The following NOS1AP variants were observed in gnomAD, a reference collection of about 807,000 sequenced individuals.
NOS1AP encodes the protein nitric oxide synthase 1 adaptor protein, also known as carboxyl-terminal PDZ ligand of neuronal nitric oxide synthase protein.
In NOS1AP, 21 loss-of-function variants were observed where a neutral mutation model predicts 56.2. That is an observed-to-expected ratio of 0.37 (90% confidence interval 0.26 to 0.54). The LOEUF (loss-of-function observed/expected upper bound fraction) is 0.54, where lower values mean the gene tolerates loss of function less well. NOS1AP is among the 20% of genes least tolerant of loss of function. The probability of loss-of-function intolerance (pLI) is 0.84; values close to 1 mark genes in which losing one functional copy is unlikely to be tolerated. For missense variants in NOS1AP, 522 were observed against 657.8 expected, an observed-to-expected ratio of 0.79 and a Z score of 2.26; for synonymous variants, 270 against 274.6, an observed-to-expected ratio of 0.98 and a Z score of 0.17.
At chr1:162,291,039 A>C (rs182454863) in intron 3 of NOS1AP, among the ~76,000 whole-genome samples, 12 of 139,684 alleles carry the variant, frequency 8.6e-5, no homozygotes, top group South Asian at 4.6e-4. Flanking sequence ...AAAAAAAAAA[A>C]CCCACAAAAG....
At chr1:162,142,412 T>TTC (rs1649275468) in intron 1 of NOS1AP, among the ~76,000 whole-genome samples, 3 of 152,112 alleles carry the variant, frequency 2.0e-5, no homozygotes, top group Non-Finnish European at 4.4e-5. Flanking sequence ...GTGCGTGTGT[T>TTC]TCTGCGTGTG....
At chr1:162,211,602 A>C (rs1328475010) in intron 2 of NOS1AP, among the ~76,000 whole-genome samples, 1 of 151,844 alleles carries the variant, frequency 6.6e-6, no homozygotes, top group African/African-American at 2.4e-5. Context: ...GCAATAACTC[A>C]CCTCCTAGGG....
intron 2 of NOS1AP, among the ~76,000 whole-genome samples, chr1:162,250,793 C>T (rs943377303): frequency 2.6e-5 from 4 of 152,138 alleles, no homozygotes; most frequent in African/African-American, 7.2e-5. Flanking sequence ...TACCTTTCCA[C>T]CTATAGCTTG....
intron 2 of NOS1AP, among the ~76,000 whole-genome samples, chr1:162,219,120 G>A (rs1652679975): frequency 6.6e-6 from 1 of 152,100 alleles, no homozygotes. Flanking sequence ...TTATTTACCA[G>A]CTCTCTCTCG....
intron 2 of NOS1AP, among the ~76,000 whole-genome samples, chr1:162,198,131 G>A (rs6667431): frequency 0.27 from 41,059 of 152,106 alleles, 5,791 homozygotes; most frequent in East Asian, 0.39. Context: ...TGGGCACAGG[G>A]TGTAGGAGAG....
chr1:162,153,285 C>T (rs1184423345), intron 1 of NOS1AP, among the ~76,000 whole-genome samples: 2 of 152,066 alleles, frequency 1.3e-5, no homozygotes, highest in Non-Finnish European at 2.9e-5. Flanking sequence ...TGTGCCACCA[C>T]ACCCAGCTAA....
At position 162,109,146 on chromosome 1, in the gene NOS1AP, A is replaced by G. The variant is rs564636820; in HGVS notation, c.105+38864A>G. Among the ~76,000 whole-genome samples, 6 of 152,332 alleles carry G rather than the reference A, an allele frequency of 3.9e-5. No homozygotes were observed. The South Asian group carries it at 1.2e-3, about 32-fold the overall frequency. ...ATGGAGGAGACCACCCCTATGATTC[A>G]ATTATCTCCAACTGGCCCCACCTTG... On this transcript the variant is annotated intron_variant, in intron 1 of 9. Transcript: ENST00000361897.
chr1:162,277,239 T>C lies in NOS1AP; in HGVS notation c.178-10105T>C, dbSNP rs145547711. ...CTTCTGGGTGTAGCTTCCAGTTTTATTGTAAGAAACTACTTTTCAAAGAGA... is the reference window on the plus strand; with the variant it reads ...CTTCTGGGTGTAGCTTCCAGTTTTACTGTAAGAAACTACTTTTCAAAGAGA... On this transcript the variant is annotated intron_variant, in intron 2 of 9. Transcript: ENST00000361897. Among the ~76,000 whole-genome samples, 194 of 152,344 alleles carry C rather than the reference T, an allele frequency of 1.3e-3. 2 individuals carry two copies. The highest frequency in any genetic ancestry group is 4.1e-3 in the African/African-American group (171 of 41,588).
intron 2 of NOS1AP, among the ~76,000 whole-genome samples, chr1:162,196,852 G>T (rs915683915): frequency 2.6e-5 from 4 of 152,214 alleles, no homozygotes; most frequent in African/African-American, 9.7e-5. Flanking sequence ...TTTATTGTGC[G>T]AACGAATCTA....
At chr1:162,317,604 T>G (rs751440337) in intron 4 of NOS1AP, 3 of 152,136 alleles carry the variant, frequency 2.0e-5, no homozygotes, top group Non-Finnish European at 4.4e-5. Context: ...CAAGAGAGCA[T>G]GTAGTATTGG....
At chr1:162,152,393 G>A (rs1649754525) in intron 1 of NOS1AP, among the ~76,000 whole-genome samples, 1 of 152,244 alleles carries the variant, frequency 6.6e-6, no homozygotes, top group Admixed American at 6.5e-5. Context: ...CAGCTGTGCA[G>A]TGTCAAGGAG....
chr1:162,238,570 A>G (rs747178289), intron 2 of NOS1AP, among the ~76,000 whole-genome samples: 1 of 152,152 alleles, frequency 6.6e-6, no homozygotes, highest in Non-Finnish European at 1.5e-5. Flanking sequence ...GAATTCCTAA[A>G]CTTGTTTGCA....
At chr1:162,074,756 C>T (rs1269264624) in intron 1 of NOS1AP, among the ~76,000 whole-genome samples, 1 of 152,196 alleles carries the variant, frequency 6.6e-6, no homozygotes, top group Non-Finnish European at 1.5e-5. Flanking sequence ...ACTCACTTTG[C>T]TGCATTCATC....
At chr1:162,212,083 C>A (rs911194524) in intron 2 of NOS1AP, among the ~76,000 whole-genome samples, 1 of 152,192 alleles carries the variant, frequency 6.6e-6, no homozygotes, top group African/African-American at 2.4e-5. Context: ...GGAGGAGATG[C>A]CTTGCCTGTG....
chr1:162,121,409 G>C (rs933097654), intron 1 of NOS1AP, among the ~76,000 whole-genome samples: 1 of 152,034 alleles, frequency 6.6e-6, no homozygotes, highest in East Asian at 1.9e-4. Flanking sequence ...GTGAGTCACC[G>C]TGCCCGGCCT....
At chr1:162,285,650 C>T (rs1655066629) in intron 2 of NOS1AP, among the ~76,000 whole-genome samples, 1 of 152,160 alleles carries the variant, frequency 6.6e-6, no homozygotes, top group African/African-American at 2.4e-5. Flanking sequence ...CTGTCTCCAT[C>T]TCCCTCTCTG....
rs1247414266 is a variant in NOS1AP at position 162,237,789 on chromosome 1, C to T, written c.178-49555C>T. On this transcript the variant is annotated intron_variant, in intron 2 of 9. Transcript: ENST00000361897. ...TTGCGGGGACAGTGTTAGCTATGTACTTTGAAAAAGTCGTGTGCTCTACAA... is the reference window on the plus strand; with the variant it reads ...TTGCGGGGACAGTGTTAGCTATGTATTTTGAAAAAGTCGTGTGCTCTACAA... 2.6e-5 allele frequency among the ~76,000 whole-genome samples: 4 copies of T among 152,188 alleles called. No individual in the cohort carries two copies. The East Asian group carries it at 7.7e-4, about 29-fold the overall frequency.
chr1:162,089,995 AT>A (rs1343800791), intron 1 of NOS1AP, among the ~76,000 whole-genome samples: 1 of 152,196 alleles, frequency 6.6e-6, no homozygotes, highest in Non-Finnish European at 1.5e-5. Flanking sequence ...ACATTATAAT[AT>A]TTCCTTTTTA....
intron 4 of NOS1AP, among the ~76,000 whole-genome samples, chr1:162,313,776 G>A (rs938163194): frequency 6.6e-6 from 1 of 152,168 alleles, no homozygotes; most frequent in Non-Finnish European, 1.5e-5. Flanking sequence ...TGAATATAGA[G>A]TAAATGAGGG....
Sources: allele counts gnomAD v4.1 joint callset (sites outside exome capture counted in the v4.1 genomes callset), GRCh38; gene constraint gnomAD v4.1.1; transcripts MANE v1.5; gene names NCBI Gene and HGNC (gene_info 2026-07-23, HGNC 2026-07-21).